Variants in SPINK5 observed in about 807,000 individuals in gnomAD.
SPINK5 encodes the protein serine protease inhibitor Kazal-type 5.
SPINK5 carries 125 observed loss-of-function variants against 151.8 expected under a neutral mutation model. The ratio of observed to expected loss-of-function variants is 0.82; its 90% CI spans 0.71 to 0.96. The LOEUF (loss-of-function observed/expected upper bound fraction) is 0.96, where lower values mean the gene tolerates loss of function less well. SPINK5 is among the 40% of genes least tolerant of loss of function. SPINK5 has a pLI of 0.00. For missense variants in SPINK5, 1,194 were observed against 1,291.9 expected, an observed-to-expected ratio of 0.92 and a Z score of 1.16; for synonymous variants, 374 against 395.3, an observed-to-expected ratio of 0.95 and a Z score of 0.64.
intron 30 of SPINK5, among the ~76,000 whole-genome samples, chr5:148,129,438 A>G (rs1358005739): frequency 6.6e-6 from 1 of 152,122 alleles, no homozygotes; most frequent in Non-Finnish European, 1.5e-5. Flanking sequence ...AGCTCTTGAG[A>G]GGTGGTAAGA....
At position 148,091,190 on chromosome 5, in the gene SPINK5, C is replaced by A. The variant is rs535512727; in HGVS notation, c.628C>A (p.Arg210=). ...LFLKEAENAK[R]EGETRIRRNA... Reference sequence around the variant, plus strand: ...TTTAAAAGAAGCTGAAAATGCCAAGCGAGAGGGTGAAACTAGAATTCGACG... The same window carrying A: ...TTTAAAAGAAGCTGAAAATGCCAAGAGAGAGGGTGAAACTAGAATTCGACG... Residue 210 remains arginine, a synonymous_variant, in exon 8 of 33, where the codon CGA becomes AGA. Coordinates refer to ENST00000256084, the MANE Select transcript of SPINK5 (RefSeq NM_006846.4). 2 of 1,611,270 alleles carry A rather than the reference C, an allele frequency of 1.2e-6. No homozygotes were observed. The highest frequency in any genetic ancestry group is 8.5e-7 in the Non-Finnish European group (1 of 1,178,536).
rs764931501 is a variant in SPINK5, at chr5:148,072,152, A to G, written c.214A>G (p.Lys72Glu). Reference sequence around the variant, plus strand: ...CTATTTCTTGTCCTTTTCCAGGGAAAAAGAAGCAAAATCACAGAAGAGGGC... The same window carrying G: ...CTATTTCTTGTCCTTTTCCAGGGAAGAAGAAGCAAAATCACAGAAGAGGGC... ...KCATCKMILE[K>E]EAKSQKRARH... The change falls in exon 4 of 33, where the codon AAA becomes GAA. Residue 72 changes from lysine to glutamate, a missense_variant. Coordinates refer to ENST00000256084, the MANE Select transcript of SPINK5 (RefSeq NM_006846.4). 1 of 1,612,102 alleles carries G rather than the reference A, an allele frequency of 6.2e-7. No individual in the cohort carries two copies. Among genetic ancestry groups the G allele is most frequent in the South Asian group, 1.1e-5 (1 of 91,060 alleles).
At chr5:148,135,260 G>A (rs556709976) in intron 32 of SPINK5, among the ~76,000 whole-genome samples, 21 of 152,172 alleles carry the variant, frequency 1.4e-4, no homozygotes, top group East Asian at 5.8e-4. Flanking sequence ...ACTGTTCCCC[G>A]TCCTCACAAA....
intron 3 of SPINK5, among the ~76,000 whole-genome samples, chr5:148,071,543 G>T (rs1752737580): frequency 6.6e-6 from 1 of 152,008 alleles, no homozygotes; most frequent in South Asian, 2.1e-4. Context: ...CTGAAAGTAT[G>T]AATATAATAA....
intron 27 of SPINK5, 130 bp from the exon 28 acceptor site, chr5:148,124,635 A>ATT: frequency 4.9e-6 from 3 of 608,682 alleles, no homozygotes. Flanking sequence ...ATATTCTTAG[A>ATT]TTTTTTTTTA....
chr5:148,068,600 A>AAGAAAGAAAAAAC (rs1554101981), intron 2 of SPINK5, among the ~76,000 whole-genome samples: 1 of 151,124 alleles, frequency 6.6e-6, no homozygotes, highest in African/African-American at 2.4e-5. Flanking sequence ...GAAAGAAAGA[A>AAGAAAGAAAAAAC]AAAACAAGCA....
intron 4 of SPINK5, among the ~76,000 whole-genome samples, chr5:148,079,021 T>A (rs565406219): frequency 6.6e-6 from 1 of 151,028 alleles, no homozygotes; most frequent in East Asian, 2.0e-4. Flanking sequence ...TGACAAACCC[T>A]TAGTTTTATT....
chr5:148,134,621 TTAA>T (rs1380135371), intron 32 of SPINK5, among the ~76,000 whole-genome samples: 4 of 152,144 alleles, frequency 2.6e-5, no homozygotes, highest in African/African-American at 7.2e-5. Context: ...GTCTGAAAAA[TTAA>T]TGTCACTATT....
rs1752582628 is a variant in SPINK5 at position 148,066,277 on chromosome 5, AAGAT to A, written c.81+908_81+911del. Among the ~76,000 whole-genome samples, 5 of 152,284 alleles carry A rather than the reference AAGAT, an allele frequency of 3.3e-5. No homozygotes were observed. The South Asian group carries it at 1.0e-3, about 32-fold the overall frequency. On this transcript the variant is annotated intron_variant, in intron 2 of 32. Coordinates refer to ENST00000256084, the MANE Select transcript of SPINK5 (RefSeq NM_006846.4). ...AAGTTAAATTTTTTAATCTATTTGAAAGATAGGATGACCAATTACTCACACACAC... is the reference window on the plus strand; with the variant it reads ...AAGTTAAATTTTTTAATCTATTTGAAAGGATGACCAATTACTCACACACAC...
At chr5:148,113,387 A>G (rs994857357) in intron 20 of SPINK5, among the ~76,000 whole-genome samples, 2 of 152,162 alleles carry the variant, frequency 1.3e-5, no homozygotes, top group Non-Finnish European at 2.9e-5. Context: ...TCATATTTCA[A>G]AGTTCTGGAA....
intron 30 of SPINK5, 61 bp from the exon 31 acceptor site, chr5:148,131,198 T>C: frequency 5.6e-6 from 9 of 1,604,598 alleles, no homozygotes; most frequent in Non-Finnish European, 7.7e-6. Flanking sequence ...GAGGTTTTCT[T>C]AAGCCCACCC....
intron 18 of SPINK5, 126 bp downstream of exon 18, chr5:148,108,963 G>T: frequency 6.6e-7 from 1 of 1,516,586 alleles, no homozygotes; most frequent in South Asian, 1.2e-5. Context: ...AATGTGTTTG[G>T]ATCCCCATAT....
In SPINK5 at chr5:148,094,876, A is replaced by G. The variant is rs571950205; in HGVS notation, c.794+395A>G. The stretch of plus-strand genomic sequence containing the variant: ...TTGATGCAACACTCTCAGATACTTC[A>G]GGTTTATACATTAATTGGATTACTC... On this transcript the variant is annotated intron_variant, in intron 9 of 32. Coordinates refer to ENST00000256084, the MANE Select transcript of SPINK5 (RefSeq NM_006846.4). Among the ~76,000 whole-genome samples, 7 of 152,098 alleles carry G rather than the reference A, an allele frequency of 4.6e-5. No individual in the cohort carries two copies. In the South Asian group the frequency reaches 1.5e-3, roughly 32 times the overall value.
At chr5:148,093,743 C>T (rs537667917) in intron 8 of SPINK5, among the ~76,000 whole-genome samples, 2 of 151,198 alleles carry the variant, frequency 1.3e-5, no homozygotes, top group East Asian at 3.9e-4. Flanking sequence ...CCCTATTGAT[C>T]TGAAAGTTAA....
At position 148,086,551 on chromosome 5, in the gene SPINK5, AG is replaced by A. The variant is rs781070285; in HGVS notation, c.410+21del. The A allele has an allele frequency of 6.2e-7, 1 of 1,609,600 alleles. No individual in the cohort carries two copies. The highest frequency in any genetic ancestry group is 1.7e-5 in the Admixed American group (1 of 59,818). ...AGAATGCGTGAGTATTCTCTGAAGT[AG>A]GCTTTCTCCCTAAAACGTGTTCTCT... On this transcript the variant is annotated intron_variant, in intron 5 of 32. Coordinates refer to ENST00000256084, the MANE Select transcript of SPINK5 (RefSeq NM_006846.4).
In SPINK5 at chr5:148,120,103, A is replaced by G. The variant is rs754749885; in HGVS notation, c.2408A>G (p.His803Arg). 2.5e-6 allele frequency: 4 copies of G among 1,614,008 alleles called. No individual in the cohort carries two copies. The highest frequency in any genetic ancestry group is 1.1e-5 in the South Asian group (1 of 91,090). The change falls in exon 25 of 33, where the codon CAT becomes CGT. Residue 803 changes from histidine to arginine, a missense_variant. By Grantham distance (29) the His-to-Arg change is conservative (BLOSUM62 0). Coordinates refer to ENST00000256084, the MANE Select transcript of SPINK5 (RefSeq NM_006846.4). The stretch of plus-strand genomic sequence containing the variant: ...GTCCGGGGTCCAGATGGCAAGACAC[A>G]TGGCAATAAGTGTACTATGTGTAAG... Reference protein sequence around the residue: ...DPVRGPDGKTHGNKCTMCKEK... With the variant: ...DPVRGPDGKTRGNKCTMCKEK...
At chr5:148,132,256 C>A (rs1451072815) in intron 31 of SPINK5, among the ~76,000 whole-genome samples, 1 of 152,082 alleles carries the variant, frequency 6.6e-6, no homozygotes, top group Non-Finnish European at 1.5e-5. Context: ...TGGTGACAAA[C>A]CTTGGTTTTC....
At chr5:148,070,285 T>A (rs369545164) in intron 2 of SPINK5, 38 bp from the exon 3 acceptor site, 58 of 1,608,962 alleles carry the variant, frequency 3.6e-5, no homozygotes, top group Non-Finnish European at 4.8e-5. Context: ...TGTTTTGATG[T>A]ACTTTTAGCT....
chr5:148,065,210 A>T (rs1752547223), intron 1 of SPINK5, 137 bp from the exon 2 acceptor site: 1 of 824,018 alleles, frequency 1.2e-6, no homozygotes. Flanking sequence ...ATAAATCTTA[A>T]TGTGTTCAAA....
Sources: gnomAD v4.1 joint callset for allele counts (sites outside exome capture counted in the v4.1 genomes callset) on GRCh38, gnomAD v4.1.1 for gene constraint, MANE v1.5 for transcripts, NCBI Gene and HGNC (gene_info 2026-07-23, HGNC 2026-07-21) for gene names.